The following RUVBL1 variants were observed in gnomAD, a reference collection of about 807,000 sequenced individuals.
RUVBL1 encodes ruvB-like 1.
Under a neutral mutation model 52.4 loss-of-function variants are expected in RUVBL1, and 4 were observed. The observed-to-expected ratio is 0.08, with a 90% confidence interval of 0.04 to 0.17. The LOEUF is 0.17. RUVBL1 is among the 10% of genes least tolerant of loss of function. RUVBL1 has a pLI of 1.00. For synonymous variants in RUVBL1, 217 were observed against 214.4 expected (o/e 1.01, Z -0.10); for missense variants, 298 against 572.8 (o/e 0.52, Z 4.90).
At chr3:128,097,262 G>C in intron 8 of RUVBL1, 38 bp downstream of exon 8, 1 of 1,588,318 alleles carries the variant, frequency 6.3e-7, no homozygotes, top group Non-Finnish European at 8.6e-7. Flanking sequence ...CCAGATGGAA[G>C]TTAAAAAAGC....
chr3:128,087,842 C>T (rs1438635190), intron 8 of RUVBL1, 34 bp from the exon 9 acceptor site: 1 of 1,469,468 alleles, frequency 6.8e-7, no homozygotes, highest in Non-Finnish European at 9.5e-7. Context: ...ATCACCTAAG[C>T]CTCTGTTAGA....
chr3:128,083,544 G>A (rs1448931119), intron 9 of RUVBL1: 2 of 152,344 alleles, frequency 1.3e-5, no homozygotes, highest in African/African-American at 2.4e-5. Flanking sequence ...GGGGAGCCCA[G>A]TCTCTGATGA....
chr3:128,098,804 C>A, intron 7 of RUVBL1, 78 bp downstream of exon 7: 2 of 1,229,698 alleles, frequency 1.6e-6, no homozygotes, highest in South Asian at 2.4e-5. Context: ...CGACTGTGCT[C>A]ACAGAGCCGC....
Position 128,082,614 on chromosome 3 carries a change from T to G in RUVBL1, c.1120-40A>C. The G allele has an allele frequency of 6.8e-7, 1 of 1,472,542 alleles. No individual in the cohort carries two copies. Among genetic ancestry groups the G allele is most frequent in the Non-Finnish European group, 9.4e-7 (1 of 1,060,214 alleles). The allele number at this position is 1,472,542 out of a possible 1,614,324, so 91.2% of individuals were successfully genotyped here. A position where few individuals can be genotyped will look rare whatever the true frequency, so the allele number is the denominator to read the frequency against. On this transcript the variant is annotated intron_variant, in intron 9 of 10. Transcript: ENST00000322623. This position sits in a 1 kb window ranked among gnomAD's most constrained non-coding sequence, Gnocchi z 4.7. The stretch of plus-strand genomic sequence containing the variant: ...AAAACATGATCAACGGTGACTGACC[T>G]CAAGTGCCCCATTTCTAAAGTGCTT...
intron 8 of RUVBL1, among the ~76,000 whole-genome samples, chr3:128,088,873 ATT>A (rs1249425324): frequency 6.6e-6 from 1 of 152,152 alleles, no homozygotes; most frequent in African/African-American, 2.4e-5. Flanking sequence ...TGTTGCTATT[ATT>A]TTTATTGATA....
At chr3:128,134,484 T>A (rs544640574) in intron 1 of RUVBL1, among the ~76,000 whole-genome samples, 4 of 127,900 alleles carry the variant, frequency 3.1e-5, no homozygotes, top group Non-Finnish European at 6.5e-5. Flanking sequence ...AAAGACAGGC[T>A]ATTTGAAAAT....
upstream of RUVBL1, among the ~76,000 whole-genome samples, chr3:128,126,927 T>G (rs1943801346): frequency 6.6e-6 from 1 of 152,244 alleles, no homozygotes; most frequent in South Asian, 2.1e-4. Context: ...CACCCCATGT[T>G]TGTTTCAGTG....
intron 9 of RUVBL1, among the ~76,000 whole-genome samples, chr3:128,072,620 GGCC>G (rs1470837135): frequency 3.3e-5 from 5 of 152,210 alleles, no homozygotes; most frequent in Admixed American, 1.3e-4. Flanking sequence ...GGCTCAGGGA[GGCC>G]CTGGACAGGA....
intron 9 of RUVBL1, among the ~76,000 whole-genome samples, chr3:128,087,263 TG>T (rs1353378780): frequency 2.0e-5 from 3 of 152,196 alleles, no homozygotes; most frequent in African/African-American, 7.2e-5. Flanking sequence ...TTGGTTCAGG[TG>T]GAACAGCGAG....
intron 8 of RUVBL1, among the ~76,000 whole-genome samples, chr3:128,088,525 ATACTC>A (rs1942726364): frequency 6.7e-6 from 1 of 149,988 alleles, no homozygotes; most frequent in South Asian, 2.1e-4. Context: ...TATACTAATT[ATACTC>A]TATAGTATAA....
chr3:128,097,273 CT>C, intron 8 of RUVBL1, 26 bp downstream of exon 8: 2 of 1,606,726 alleles, frequency 1.2e-6, no homozygotes, highest in Non-Finnish European at 1.7e-6. Context: ...TTAAAAAAGC[CT>C]TGTGGCTGGC....
downstream of RUVBL1, chr3:128,075,985 GCCCGGCTGT>G (rs1942308819): frequency 6.6e-6 from 1 of 152,570 alleles, no homozygotes; most frequent in South Asian, 2.1e-4. Flanking sequence ...CCACACTCGC[GCCCGGCTGT>G]CCCTGCTGCG....
chr3:128,119,204 A>T, intron 2 of RUVBL1, 124 bp downstream of exon 2: 2 of 616,666 alleles, frequency 3.2e-6, no homozygotes, highest in South Asian at 4.6e-5. Flanking sequence ...TTGCATATTA[A>T]TTTTAAAAAC....
chr3:128,096,231 A>T (rs2107685406), intron 8 of RUVBL1, among the ~76,000 whole-genome samples: 1 of 152,322 alleles, frequency 6.6e-6, no homozygotes, highest in South Asian at 2.1e-4. Context: ...TTTAAACAAG[A>T]TCACAGAAAA....
At chr3:128,152,226 C>G (rs1324083136) in intron 1 of RUVBL1, among the ~76,000 whole-genome samples, 1 of 152,224 alleles carries the variant, frequency 6.6e-6, no homozygotes, top group African/African-American at 2.4e-5. Flanking sequence ...TGTCGACCCT[C>G]TGTCTAGCAA....
At chr3:128,105,739 T>G (rs1943215425) in intron 3 of RUVBL1, among the ~76,000 whole-genome samples, 1 of 152,106 alleles carries the variant, frequency 6.6e-6, no homozygotes, top group South Asian at 2.1e-4. Context: ...TGGGTGACAC[T>G]CAAAACTGCC....
chr3:128,149,226 C>T (rs764206521), intron 1 of RUVBL1, among the ~76,000 whole-genome samples: 3 of 150,000 alleles, frequency 2.0e-5, no homozygotes, highest in Non-Finnish European at 4.4e-5. Flanking sequence ...ACTCTGTTGC[C>T]CAGGCTGGAG....
chr3:128,137,013 G>A (rs1943958199), intron 1 of RUVBL1, among the ~76,000 whole-genome samples: 1 of 152,006 alleles, frequency 6.6e-6, no homozygotes, highest in Admixed American at 6.6e-5. Flanking sequence ...TTCTTCCAAC[G>A]GCTGCAGAAT....
chr3:128,081,631 G>C lies in RUVBL1; in HGVS notation c.1212-222C>G, dbSNP rs1036404627. On this transcript the variant is annotated intron_variant, in intron 10 of 10. Transcript: ENST00000322623. This position sits in a 1 kb window ranked among gnomAD's most constrained non-coding sequence, Gnocchi z 4.8. ...TCCAGGAGCCACCAAGAAGACATAA[G>C]TGCTATTCCCCAAATCTTTAGTACA... 3.8e-6 allele frequency: 2 copies of C among 531,960 alleles called. No homozygotes were observed. Among genetic ancestry groups the C allele is most frequent in the Non-Finnish European group, 6.7e-6 (2 of 299,406 alleles). 33.0% of individuals were successfully genotyped at this position (531,960 alleles called of 1,614,324 possible). A position where few individuals can be genotyped will look rare whatever the true frequency, so the allele number is the denominator to read the frequency against.
Sources: gnomAD v4.1 joint callset for allele counts (sites outside exome capture counted in the v4.1 genomes callset) on GRCh38, gnomAD v4.1.1 for gene constraint, Gnocchi (gnomAD v3.1) non-coding constraint, MANE v1.5 for transcripts, NCBI Gene and HGNC (gene_info 2026-07-23, HGNC 2026-07-21) for gene names.